The following MECOM variants were observed in gnomAD, a reference collection of about 807,000 sequenced individuals.
MECOM encodes MDS1 and EVI1 complex locus.
MECOM carries 13 observed loss-of-function variants against 116.3 expected under a neutral mutation model. The observed-to-expected ratio is 0.11, with a 90% CI of 0.07 to 0.18. MECOM has a LOEUF of 0.18. Ranked by LOEUF, MECOM falls within the 10% of genes least tolerant of loss-of-function variation. MECOM has a pLI of 1.00. For synonymous variants in MECOM, 528 were observed against 535.2 expected (o/e 0.99, Z 0.19); for missense variants, 1,299 against 1,509.0 (o/e 0.86, Z 2.31).
intron 1 of MECOM, among the ~76,000 whole-genome samples, chr3:169,413,492 T>TAA (rs1560240580): frequency 1.1e-3 from 4 of 3,624 alleles, no homozygotes; most frequent in East Asian, 5.5e-3. Flanking sequence ...TTTTTTTTAT[T>TAA]TTTTTTTTTG....
At chr3:169,101,615 T>C (rs1723578383) in intron 11 of MECOM, among the ~76,000 whole-genome samples, 1 of 152,220 alleles carries the variant, frequency 6.6e-6, no homozygotes, top group Non-Finnish European at 1.5e-5. Flanking sequence ...AAATAAGCTT[T>C]ACTACTGATG....
chr3:169,340,935 G>A (rs1187128992), intron 2 of MECOM, among the ~76,000 whole-genome samples: 2 of 152,170 alleles, frequency 1.3e-5, no homozygotes, highest in Admixed American at 6.5e-5. Context: ...ACAAGCAGGT[G>A]GAACATTAAA....
At chr3:169,204,741 G>A (rs1749672678) in intron 2 of MECOM, among the ~76,000 whole-genome samples, 1 of 151,974 alleles carries the variant, frequency 6.6e-6, no homozygotes, top group African/African-American at 2.4e-5. Flanking sequence ...CTACTTCCTA[G>A]GAATATCTTT....
At chr3:169,420,166 G>C (rs1049074597) in intron 1 of MECOM, among the ~76,000 whole-genome samples, 1 of 152,164 alleles carries the variant, frequency 6.6e-6, no homozygotes, top group African/African-American at 2.4e-5. Flanking sequence ...TGGTGGGAGT[G>C]TAAATTAGTT....
At chr3:169,365,576 G>C (rs1481757186) in intron 2 of MECOM, among the ~76,000 whole-genome samples, 1 of 151,980 alleles carries the variant, frequency 6.6e-6, no homozygotes, top group Non-Finnish European at 1.5e-5. Context: ...TATTACCTAA[G>C]GGAATTAGCA....
chr3:169,100,842 T>C, intron 12 of MECOM, 43 bp downstream of exon 12: 1 of 1,166,188 alleles, frequency 8.6e-7, no homozygotes, highest in East Asian at 2.8e-5. Context: ...ACTTTAATTA[T>C]TACAATATTT....
chr3:169,309,689 T>G (rs1489196384), intron 2 of MECOM, among the ~76,000 whole-genome samples: 1 of 152,206 alleles, frequency 6.6e-6, no homozygotes, highest in Non-Finnish European at 1.5e-5. Context: ...ACCACCCATA[T>G]CACAGTTTGG....
intron 1 of MECOM, among the ~76,000 whole-genome samples, chr3:169,452,416 A>G (rs1745769832): frequency 1.3e-5 from 2 of 152,206 alleles, no homozygotes; most frequent in South Asian, 2.1e-4. Flanking sequence ...TGATGGATCA[A>G]TGTTGATATT....
intron 1 of MECOM, among the ~76,000 whole-genome samples, chr3:169,387,944 A>C (rs1023354989): frequency 6.6e-6 from 1 of 152,126 alleles, no homozygotes; most frequent in African/African-American, 2.4e-5. Flanking sequence ...TTTGTAATAA[A>C]AACATGAGCA....
intron 2 of MECOM, among the ~76,000 whole-genome samples, chr3:169,295,989 C>A (rs1715523351): frequency 6.6e-6 from 1 of 152,236 alleles, no homozygotes; most frequent in African/African-American, 2.4e-5. Context: ...GTTGAACCAA[C>A]TGACCTTGCT....
chr3:169,504,373 A>G (rs1442867380), intron 1 of MECOM, among the ~76,000 whole-genome samples: 1 of 151,834 alleles, frequency 6.6e-6, no homozygotes, highest in Non-Finnish European at 1.5e-5. Context: ...CTCAATGAAG[A>G]TGTTCTCTGA....
intron 1 of MECOM, among the ~76,000 whole-genome samples, chr3:169,503,751 TAAG>T (rs1042416667): frequency 6.6e-5 from 10 of 152,192 alleles, no homozygotes; most frequent in African/African-American, 2.4e-4. Context: ...CTTCAGCAGT[TAAG>T]AAGAAGGAGA....
At chr3:169,188,956 GC>G (rs1178078513) in intron 2 of MECOM, among the ~76,000 whole-genome samples, 1 of 152,002 alleles carries the variant, frequency 6.6e-6, no homozygotes, top group Non-Finnish European at 1.5e-5. Context: ...CATCTTAAAG[GC>G]CCACTCAGTT....
chr3:169,346,169 A>G (rs1725311120), intron 2 of MECOM, among the ~76,000 whole-genome samples: 1 of 152,106 alleles, frequency 6.6e-6, no homozygotes, highest in African/African-American at 2.4e-5. Flanking sequence ...GAAAAAAAAC[A>G]AGGCATACAT....
At chr3:169,156,775 C>G (rs1742055883) in intron 2 of MECOM, among the ~76,000 whole-genome samples, 2 of 152,128 alleles carry the variant, frequency 1.3e-5, no homozygotes, top group South Asian at 4.2e-4. Context: ...ATTATTTAGA[C>G]TTTTCTTAAT....
intron 1 of MECOM, among the ~76,000 whole-genome samples, chr3:169,441,326 T>G (rs931961598): frequency 1.3e-5 from 2 of 152,318 alleles, no homozygotes; most frequent in South Asian, 4.1e-4. Flanking sequence ...ATAATAATAA[T>G]TTCTATCACC....
intron 1 of MECOM, among the ~76,000 whole-genome samples, chr3:169,652,731 T>C: frequency 6.6e-6 from 1 of 152,172 alleles, no homozygotes. Context: ...CAACCTTAAA[T>C]TGTTTGAAAG....
chr3:169,308,955 TCCA>T (rs1718233577), intron 2 of MECOM, among the ~76,000 whole-genome samples: 1 of 152,162 alleles, frequency 6.6e-6, no homozygotes, highest in African/African-American at 2.4e-5. Context: ...ATTATGACAT[TCCA>T]CCACTAAGGT....
intron 2 of MECOM, among the ~76,000 whole-genome samples, chr3:169,155,723 A>G (rs989385562): frequency 2.0e-5 from 3 of 152,074 alleles, no homozygotes; most frequent in Non-Finnish European, 2.9e-5. Flanking sequence ...TTCTAGGCCC[A>G]TTTCCTGCTT....
Sources: allele counts gnomAD v4.1 joint callset (sites outside exome capture counted in the v4.1 genomes callset), GRCh38; gene constraint gnomAD v4.1.1; transcripts MANE v1.5; gene names NCBI Gene and HGNC (gene_info 2026-07-23, HGNC 2026-07-21).